ZNF469: variants seen among roughly 807,000 people sequenced by gnomAD.
The protein encoded by ZNF469 is zinc finger protein 469.
Under a neutral mutation model 1.0 loss-of-function variants are expected in ZNF469, and 1 was observed. The observed-to-expected ratio is 1.00, with a 90% CI of 0.35 to 4.73. The LOEUF (loss-of-function observed/expected upper bound fraction) is 4.73, where lower values mean the gene tolerates loss of function less well. ZNF469 is among the 30% of genes most tolerant of loss of function. The probability of loss-of-function intolerance (pLI) is 0.16; values close to 1 mark genes in which losing one functional copy is unlikely to be tolerated. For synonymous variants in ZNF469, 2,703 were observed against 2,363.4 expected (o/e 1.14, Z -4.17); for missense variants, 6,100 against 5,356.3 (o/e 1.14, Z -4.33).
chr16:88,176,249 G>A, the ZNF469 span, among the ~76,000 whole-genome samples: 4 of 150,014 alleles, frequency 2.7e-5, no homozygotes, highest in East Asian at 5.8e-4. Context: ...CCATCATCAC[G>A]CAGGGCCTCC....
chr16:88,248,239 C>T, the ZNF469 span, among the ~76,000 whole-genome samples: 18 of 152,198 alleles, frequency 1.2e-4, no homozygotes, highest in Non-Finnish European at 2.4e-4. Flanking sequence ...CGTAGAAGTG[C>T]ATTTAGTAAC....
chr16:88,166,692 G>A, the ZNF469 span, among the ~76,000 whole-genome samples: 5 of 151,794 alleles, frequency 3.3e-5, no homozygotes, highest in African/African-American at 7.3e-5. The surrounding 1 kb of genome is among the most constrained non-coding windows in gnomAD (Gnocchi z 4.5). Context: ...TGGGTGAGGC[G>A]TTTTTCAAGG....
chr16:88,225,345 T>C, the ZNF469 span, among the ~76,000 whole-genome samples: 1 of 152,218 alleles, frequency 6.6e-6, no homozygotes, highest in Non-Finnish European at 1.5e-5. Context: ...AGGTTTAAAC[T>C]TGAGACACAG....
At chr16:88,121,477 C>T in the ZNF469 span, among the ~76,000 whole-genome samples, 49 of 152,320 alleles carry the variant, frequency 3.2e-4, no homozygotes, top group Middle Eastern at 3.4e-3. Flanking sequence ...ATGAAACGTT[C>T]GCAAAGAAAC....
At chr16:88,402,225 T>A (rs1369841877) in intron 1 of ZNF469, among the ~76,000 whole-genome samples, 3 of 151,288 alleles carry the variant, frequency 2.0e-5, no homozygotes, top group East Asian at 3.9e-4. Context: ...TGGCAGATGC[T>A]GGATGGTGAC....
At chr16:88,107,556 CAG>C in the ZNF469 span, among the ~76,000 whole-genome samples, 1 of 152,228 alleles carries the variant, frequency 6.6e-6, no homozygotes, top group Admixed American at 6.5e-5. Flanking sequence ...CGTGGAGACA[CAG>C]AAACTGACCA....
chr16:88,355,744 AC>A, the ZNF469 span, among the ~76,000 whole-genome samples: 7 of 152,242 alleles, frequency 4.6e-5, no homozygotes, highest in African/African-American at 1.7e-4. Flanking sequence ...ACATACTCAG[AC>A]CCAGCATGGC....
the ZNF469 span, among the ~76,000 whole-genome samples, chr16:88,244,518 T>C: frequency 1.3e-5 from 2 of 151,284 alleles, no homozygotes; most frequent in African/African-American, 4.9e-5. Context: ...CGTGGATGGA[T>C]GGATCAGTGA....
rs1449723595 is a variant in ZNF469 at position 88,438,236 on chromosome 16, C to T, written c.10766C>T (p.Pro3589Leu). 1.9e-6 allele frequency: 3 copies of T among 1,547,418 alleles called. No homozygotes were observed. The highest frequency in any genetic ancestry group is 2.7e-5 in the African/African-American group (2 of 73,004). Residue 3589 changes from proline to leucine, a missense_variant, in exon 3 of 3, where the codon CCT (proline) becomes CTT (leucine). Coordinates refer to ENST00000565624, the MANE Select transcript of ZNF469 (RefSeq NM_001367624.2). Reference protein sequence around the residue: ...ENEASPGSPGPLLQQALPLGA... With the variant: ...ENEASPGSPGLLLQQALPLGA... ...GAGGCTTCCCCAGGCAGCCCCGGGC[C>T]TCTTCTCCAGCAAGCTCTCCCTCTG...
the ZNF469 span, among the ~76,000 whole-genome samples, chr16:88,192,988 ATGGTGGTGG>A: frequency 1.7e-5 from 2 of 119,362 alleles, no homozygotes; most frequent in South Asian, 2.8e-4. Context: ...GGTGGTGGTG[ATGGTGGTGG>A]TGGTGATGGT....
chr16:88,174,093 C>T, the ZNF469 span, among the ~76,000 whole-genome samples: 7 of 151,966 alleles, frequency 4.6e-5, no homozygotes, highest in Non-Finnish European at 7.4e-5. Flanking sequence ...TATATGTTGC[C>T]TACAAGAAAT....
In ZNF469 at chr16:88,438,901, GGAGA is replaced by G; in HGVS notation, c.11435_11438del (p.Glu3812AlafsTer128). 6.4e-7 allele frequency: 1 copy of G among 1,550,544 alleles called. No individual in the cohort carries two copies. Among genetic ancestry groups the G allele is most frequent in the Non-Finnish European group, 8.7e-7 (1 of 1,146,984 alleles). ...CGGGAGCCTAGGTCCCAAGGAGAAG[GGAGA>G]GAGCAGTACGAAGAGGAAAAAGGGC... is the stretch of plus-strand genomic sequence containing the variant. On this transcript the variant is annotated frameshift_variant, in exon 3 of 3. Transcript: ENST00000565624. LOFTEE classifies it low-confidence loss of function (END_TRUNC).
At chr16:88,353,642 G>A in the ZNF469 span, among the ~76,000 whole-genome samples, 4 of 152,226 alleles carry the variant, frequency 2.6e-5, no homozygotes, top group Admixed American at 2.6e-4. Flanking sequence ...CGTGGTGAAC[G>A]GTGGCTCCCA....
the ZNF469 span, among the ~76,000 whole-genome samples, chr16:88,283,466 A>G: frequency 6.6e-6 from 1 of 152,358 alleles, no homozygotes; most frequent in Non-Finnish European, 1.5e-5. Context: ...TTGTAATAGC[A>G]GGAAGAGTAA....
At chr16:88,232,670 T>C in the ZNF469 span, among the ~76,000 whole-genome samples, 1 of 152,144 alleles carries the variant, frequency 6.6e-6, no homozygotes, top group Non-Finnish European at 1.5e-5. Context: ...GGCAAGAGGG[T>C]AGCTGCAGAG....
chr16:88,232,567 C>G, the ZNF469 span, among the ~76,000 whole-genome samples: 1 of 152,344 alleles, frequency 6.6e-6, no homozygotes, highest in African/African-American at 2.4e-5. Flanking sequence ...CCAGTTAACG[C>G]TGTCCTTGTT....
At chr16:88,316,275 C>T in the ZNF469 span, among the ~76,000 whole-genome samples, 3 of 152,218 alleles carry the variant, frequency 2.0e-5, no homozygotes, top group East Asian at 1.9e-4. Flanking sequence ...CGAGTGTGAT[C>T]GCAGCTGCCA....
the ZNF469 span, among the ~76,000 whole-genome samples, chr16:88,147,994 G>A: frequency 2.6e-5 from 4 of 151,650 alleles, no homozygotes; most frequent in African/African-American, 9.7e-5. Context: ...GCCTGCAATG[G>A]GGCAGCGATT....
At chr16:88,221,185 A>G in the ZNF469 span, among the ~76,000 whole-genome samples, 1 of 152,212 alleles carries the variant, frequency 6.6e-6, no homozygotes, top group South Asian at 2.1e-4. Context: ...GCCTCACACC[A>G]GAGAGATGAG....
Sources: allele counts gnomAD v4.1 joint callset (sites outside exome capture counted in the v4.1 genomes callset), GRCh38; gene constraint gnomAD v4.1.1; non-coding constraint Gnocchi (gnomAD v3.1); transcripts MANE v1.5; gene names NCBI Gene and HGNC (gene_info 2026-07-23, HGNC 2026-07-21).